The following HHAT variants were observed in gnomAD, a reference collection of about 807,000 sequenced individuals.
HHAT encodes protein-cysteine N-palmitoyltransferase HHAT.
HHAT carries 47 observed loss-of-function variants against 70.8 expected under a neutral mutation model. That is an observed-to-expected ratio of 0.66 (90% CI 0.53 to 0.85). The LOEUF is 0.85. Ranked by LOEUF, HHAT falls within the 40% of genes least tolerant of loss-of-function variation. The pLI is 0.00. For synonymous variants in HHAT, 228 were observed against 247.6 expected (o/e 0.92, Z 0.74); for missense variants, 609 against 604.8 (o/e 1.01, Z -0.07).
chr1:210,494,541 G>GTTTTTTTTT (rs2094600779), intron 8 of HHAT, among the ~76,000 whole-genome samples: 1 of 61,948 alleles, frequency 1.6e-5, no homozygotes, highest in African/African-American at 6.7e-5. Flanking sequence ...GTTTGAAATA[G>GTTTTTTTTT]CTTTTTTTTT....
intron 10 of HHAT, among the ~76,000 whole-genome samples, chr1:210,601,189 G>T (rs1243043690): frequency 6.6e-6 from 1 of 152,082 alleles, no homozygotes; most frequent in African/African-American, 2.4e-5. Context: ...TTCCAAATTG[G>T]GTTTAAGAAA....
intron 8 of HHAT, among the ~76,000 whole-genome samples, chr1:210,477,076 C>T (rs2094316386): frequency 6.6e-6 from 1 of 152,148 alleles, no homozygotes; most frequent in South Asian, 2.1e-4. Flanking sequence ...GGAGTTTTTA[C>T]TGACTTTACC....
chr1:210,627,545 C>A (rs1183340897), intron 11 of HHAT, among the ~76,000 whole-genome samples: 1 of 151,942 alleles, frequency 6.6e-6, no homozygotes, highest in Non-Finnish European at 1.5e-5. Context: ...TCTGTTGTGC[C>A]CCTGCCCTGC....
intron 7 of HHAT, among the ~76,000 whole-genome samples, chr1:210,431,911 A>C (rs995536330): frequency 5.9e-5 from 9 of 151,884 alleles, no homozygotes; most frequent in African/African-American, 1.7e-4. Context: ...CAGCCAAGAA[A>C]ATAGAAGATT....
intron 3 of HHAT, among the ~76,000 whole-genome samples, chr1:210,367,806 G>A (rs995803083): frequency 8.5e-5 from 13 of 152,150 alleles, no homozygotes; most frequent in East Asian, 1.9e-4. Context: ...GGGTGCTTGC[G>A]TAGGTGCGGC....
At chr1:210,347,826 G>A (rs2086655458) in intron 1 of HHAT, among the ~76,000 whole-genome samples, 1 of 152,134 alleles carries the variant, frequency 6.6e-6, no homozygotes, top group Non-Finnish European at 1.5e-5. Flanking sequence ...CATCCACGGA[G>A]GCTGTTCCAA....
chr1:210,513,235 T>A (rs756332482), intron 9 of HHAT, 47 bp downstream of exon 9: 1 of 916,700 alleles, frequency 1.1e-6, no homozygotes, highest in South Asian at 1.4e-5. Flanking sequence ...AACATGTCTA[T>A]TATGAAAGAT....
intron 2 of HHAT, among the ~76,000 whole-genome samples, chr1:210,357,778 C>A (rs774590967): frequency 6.6e-6 from 1 of 152,158 alleles, no homozygotes; most frequent in Admixed American, 6.5e-5. Flanking sequence ...CGAGTTCGCA[C>A]CACTGCACTC....
intron 8 of HHAT, among the ~76,000 whole-genome samples, chr1:210,489,565 TTG>T (rs1241978651): frequency 3.9e-5 from 6 of 152,240 alleles, no homozygotes; most frequent in African/African-American, 1.4e-4. Flanking sequence ...TCCAAGTAGC[TTG>T]TCAGTTCCCC....
chr1:210,544,755 G>A (rs188999367), intron 9 of HHAT, among the ~76,000 whole-genome samples: 16 of 152,112 alleles, frequency 1.1e-4, no homozygotes, highest in Non-Finnish European at 1.3e-4. Context: ...GTGTCCTTCC[G>A]CTCCCAGTTC....
chr1:210,354,525 A>AT (rs1175530316), intron 2 of HHAT, among the ~76,000 whole-genome samples: 8 of 152,038 alleles, frequency 5.3e-5, no homozygotes, highest in Non-Finnish European at 1.0e-4. Flanking sequence ...ATTTATTTTT[A>AT]TTTTTTATTT....
intron 6 of HHAT, among the ~76,000 whole-genome samples, chr1:210,414,096 G>T (rs1005479108): frequency 5.9e-5 from 9 of 152,320 alleles, no homozygotes; most frequent in Admixed American, 5.2e-4. Context: ...TGGAGTCTGG[G>T]AATTCCATGA....
At chr1:210,571,327 G>A (rs1573413281) in intron 9 of HHAT, among the ~76,000 whole-genome samples, 1 of 152,202 alleles carries the variant, frequency 6.6e-6, no homozygotes, top group African/African-American at 2.4e-5. Flanking sequence ...AGGCATGCGG[G>A]CGCTTGGAGG....
At position 210,587,922 on chromosome 1, in the gene HHAT, G is replaced by A. The variant is rs376493539; in HGVS notation, c.1068G>A (p.Gly356=). ...GGTATGTGTACATTCCAGTGGGCGG[G>A]TCCCAGCATGGCCTGCTGGGGACAC... ...LIRYVYIPVG[G]SQHGLLGTLF... Residue 356 remains glycine, a synonymous_variant, in exon 10 of 12, where the codon GGG becomes GGA. Transcript: ENST00000261458. The A allele has an allele frequency of 2.0e-4, 320 of 1,613,864 alleles. No individual in the cohort carries two copies. The highest frequency in any genetic ancestry group is 2.4e-4 in the Non-Finnish European group (285 of 1,179,996).
At chr1:210,514,714 G>A (rs1247652697) in intron 9 of HHAT, among the ~76,000 whole-genome samples, 3 of 152,202 alleles carry the variant, frequency 2.0e-5, no homozygotes. Flanking sequence ...AGGACAAGGG[G>A]GGTGAGGCAG....
chr1:210,356,170 C>G (rs2087598430), intron 2 of HHAT, among the ~76,000 whole-genome samples: 1 of 151,616 alleles, frequency 6.6e-6, no homozygotes, highest in African/African-American at 2.4e-5. Flanking sequence ...CAAGCCAAAT[C>G]CCAAAGTCCT....
At chr1:210,386,567 T>C (rs1448338828) in intron 3 of HHAT, among the ~76,000 whole-genome samples, 1 of 152,182 alleles carries the variant, frequency 6.6e-6, no homozygotes, top group African/African-American at 2.4e-5. Context: ...GCACACATTT[T>C]GCTTAGAAAA....
chr1:210,599,748 C>T (rs1049460233), intron 10 of HHAT, among the ~76,000 whole-genome samples: 4 of 152,174 alleles, frequency 2.6e-5, no homozygotes, highest in African/African-American at 9.7e-5. Context: ...CATTTATTAT[C>T]CTCATAGTCC....
intron 9 of HHAT, among the ~76,000 whole-genome samples, chr1:210,532,079 T>C (rs983689055): frequency 2.0e-5 from 3 of 152,216 alleles, no homozygotes; most frequent in Admixed American, 6.5e-5. Context: ...TGAAAGCCCA[T>C]AGCATCTGTT....
Sources: allele counts gnomAD v4.1 joint callset (sites outside exome capture counted in the v4.1 genomes callset), GRCh38; gene constraint gnomAD v4.1.1; transcripts MANE v1.5; gene names NCBI Gene and HGNC (gene_info 2026-07-23, HGNC 2026-07-21).